The following INIP variants were observed in gnomAD, a reference collection of about 807,000 sequenced individuals.
The protein encoded by INIP is SOSS complex subunit C.
A neutral mutation model predicts 14.0 loss-of-function variants in INIP; 9 were observed. That is an observed-to-expected ratio of 0.64 (90% confidence interval 0.39 to 1.12). The LOEUF (loss-of-function observed/expected upper bound fraction) is 1.12. Among genes scored for constraint, INIP ranks in the 50% most tolerant of loss-of-function variants. The pLI is 0.01. For missense variants in INIP, 78 were observed against 122.7 expected, an observed-to-expected ratio of 0.64 and a Z score of 1.72; for synonymous variants, 37 against 41.5, an observed-to-expected ratio of 0.89 and a Z score of 0.41.
chr9:112,694,358 T>C lies in INIP; in HGVS notation c.26-125A>G, dbSNP rs896026145. The C allele has an allele frequency of 1.2e-4, 77 of 624,282 alleles. 1 individual carries two copies. Among genetic ancestry groups the C allele is most frequent in the Middle Eastern group, 4.0e-4 (1 of 2,484 alleles). The allele number at this position is 624,282 out of a possible 1,614,324, so 38.7% of individuals were successfully genotyped here. On this transcript the variant is annotated intron_variant, in intron 2 of 4. Coordinates refer to ENST00000374242, the MANE Select transcript of INIP (RefSeq NM_021218.3). ...GCAAAACTCCTATTCTCTAACATGA[T>C]AATGAATTCACCAGTAAGTACTTTC...
At chr9:112,696,074 T>C (rs1234533754) in intron 2 of INIP, among the ~76,000 whole-genome samples, 1 of 151,804 alleles carries the variant, frequency 6.6e-6, no homozygotes. Context: ...TTTTTTTTTG[T>C]AGAGACAGGA....
At chr9:112,698,325 A>AAAAG (rs1838172495) in intron 2 of INIP, among the ~76,000 whole-genome samples, 1 of 151,220 alleles carries the variant, frequency 6.6e-6, no homozygotes, top group Non-Finnish European at 1.5e-5. Context: ...AAAAAAAAAA[A>AAAAG]AAAGAAATGA....
chr9:112,694,342 C>T, intron 2 of INIP, 109 bp from the exon 3 acceptor site: 1 of 663,706 alleles, frequency 1.5e-6, no homozygotes, highest in South Asian at 1.7e-5. Context: ...AGCAAAACTC[C>T]TATTCTCTAA....
rs1015610524 is a variant in INIP, at chr9:112,684,232, C to G, written c.*3306G>C. The stretch of plus-strand genomic sequence containing the variant: ...TCTAAGACTTTACATACTAGTGGAA[C>G]AGACAATAGACAAAATAAGTAAGCC... On this transcript the variant is annotated 3_prime_UTR_variant, in exon 5 of 5. Coordinates refer to ENST00000374242, the MANE Select transcript of INIP (RefSeq NM_021218.3). 1.5e-4 allele frequency: 23 copies of G among 152,018 alleles called. No homozygotes were observed. The highest frequency in any genetic ancestry group is 5.3e-4 in the African/African-American group (22 of 41,390). 9.4% of individuals were successfully genotyped at this position (152,018 alleles called of 1,614,324 possible). A position where few individuals can be genotyped will look rare whatever the true frequency, so the allele number is the denominator to read the frequency against.
In INIP at chr9:112,687,313, T is replaced by TA. The variant is rs537156612; in HGVS notation, c.*224dup. On this transcript the variant is annotated 3_prime_UTR_variant, in exon 5 of 5. Transcript: ENST00000374242. ...GAGTTAAACAGCATTACAAAAAAGT[T>TA]ACAGTCACGGTACATAATCAATTCC... 5.0e-6 allele frequency: 2 copies of TA among 402,614 alleles called. No individual in the cohort carries two copies. The highest frequency in any genetic ancestry group is 9.1e-6 in the Non-Finnish European group (2 of 220,530). 24.9% of individuals were successfully genotyped at this position (402,614 alleles called of 1,614,324 possible).
chr9:112,704,587 T>A (rs1470613512), intron 2 of INIP, among the ~76,000 whole-genome samples: 1 of 152,186 alleles, frequency 6.6e-6, no homozygotes, highest in Non-Finnish European at 1.5e-5. Flanking sequence ...ACACTTTAGG[T>A]TGCCCATCAA....
At chr9:112,716,416 A>C in intron 2 of INIP, 45 bp downstream of exon 2, 1 of 1,551,082 alleles carries the variant, frequency 6.4e-7, no homozygotes, top group Non-Finnish European at 8.9e-7. Flanking sequence ...TACATTTACT[A>C]TATTGGGGAA....
At chr9:112,717,811 CAG>C (rs1838877207) in intron 1 of INIP, among the ~76,000 whole-genome samples, 174 bp downstream of exon 1, 1 of 152,158 alleles carries the variant, frequency 6.6e-6, no homozygotes, top group Non-Finnish European at 1.5e-5. Context: ...TACGGATGTG[CAG>C]AGCCGGCTGG....
chr9:112,694,845 A>G (rs1838019278), intron 2 of INIP, among the ~76,000 whole-genome samples: 1 of 152,242 alleles, frequency 6.6e-6, no homozygotes, highest in South Asian at 2.1e-4. Context: ...GACAGGATAC[A>G]AAGAGATATG....
intron 2 of INIP, among the ~76,000 whole-genome samples, chr9:112,701,533 G>A (rs1208200321): frequency 1.3e-5 from 2 of 152,190 alleles, no homozygotes; most frequent in East Asian, 1.9e-4. Flanking sequence ...ATGGGAAGAC[G>A]TGTTTAAGTA....
chr9:112,704,206 T>C (rs891417741), intron 2 of INIP, among the ~76,000 whole-genome samples: 1 of 152,138 alleles, frequency 6.6e-6, no homozygotes. Flanking sequence ...TACAGCAATA[T>C]GTATTTTTAA....
intron 2 of INIP, among the ~76,000 whole-genome samples, chr9:112,715,121 T>A (rs1010911399): frequency 9.4e-6 from 1 of 106,826 alleles, no homozygotes; most frequent in Admixed American, 1.0e-4. Flanking sequence ...AATACACACA[T>A]ACATACATAC....
intron 2 of INIP, among the ~76,000 whole-genome samples, chr9:112,695,808 GAGA>G (rs1193351426): frequency 2.7e-4 from 25 of 91,700 alleles, no homozygotes; most frequent in Non-Finnish European, 3.9e-4. Flanking sequence ...GGAGGAGGAG[GAGA>G]AGAAGAAGGA....
At chr9:112,707,945 C>G (rs1330148088) in intron 2 of INIP, among the ~76,000 whole-genome samples, 1 of 152,174 alleles carries the variant, frequency 6.6e-6, no homozygotes, top group Non-Finnish European at 1.5e-5. Context: ...GGACTAAGCC[C>G]TCTTTCAGAT....
At chr9:112,713,647 C>T (rs961950821) in intron 2 of INIP, among the ~76,000 whole-genome samples, 2 of 151,862 alleles carry the variant, frequency 1.3e-5, no homozygotes, top group African/African-American at 4.8e-5. Context: ...GAGCTTCATC[C>T]ACCTCAGAGC....
rs1193822847 is a variant in INIP, at chr9:112,686,699, T to C, written c.*839A>G. 1.3e-5 allele frequency: 2 copies of C among 152,216 alleles called. No homozygotes were observed. Among genetic ancestry groups the C allele is most frequent in the Non-Finnish European group, 2.9e-5 (2 of 68,052 alleles). 9.4% of individuals were successfully genotyped at this position (152,216 alleles called of 1,614,324 possible). ...TTTTAGTAGAGACAGGGTTTCACCA[T>C]GTTGGCCAGGCTGGTCTCAAACTCC... On this transcript the variant is annotated 3_prime_UTR_variant, in exon 5 of 5. Transcript: ENST00000374242.
intron 2 of INIP, among the ~76,000 whole-genome samples, chr9:112,705,110 CAAAAA>C (rs1194911436): frequency 2.2e-5 from 1 of 46,038 alleles, no homozygotes; most frequent in African/African-American, 9.3e-5. Context: ...GACCCTGTCT[CAAAAA>C]AAAAAAAAAA....
chr9:112,694,778 T>G (rs889949258), intron 2 of INIP, among the ~76,000 whole-genome samples: 3 of 152,168 alleles, frequency 2.0e-5, no homozygotes, highest in Non-Finnish European at 4.4e-5. Context: ...TCAAGGAACA[T>G]GTCAAAGAAT....
At chr9:112,717,601 T>C (rs755861949) in intron 1 of INIP, among the ~76,000 whole-genome samples, 8 of 151,908 alleles carry the variant, frequency 5.3e-5, no homozygotes, top group East Asian at 3.9e-4. Flanking sequence ...ATTGATTTCA[T>C]TGGCAGCAAA....
Sources: gnomAD v4.1 joint callset for allele counts (sites outside exome capture counted in the v4.1 genomes callset) on GRCh38, gnomAD v4.1.1 for gene constraint, MANE v1.5 for transcripts, NCBI Gene and HGNC (gene_info 2026-07-23, HGNC 2026-07-21) for gene names.